The following IFT57 variants were observed in gnomAD, a reference collection of about 807,000 sequenced individuals.
IFT57 encodes the protein intraflagellar transport 57.
IFT57 carries 59 observed loss-of-function variants against 56.8 expected under a neutral mutation model. That is an observed-to-expected ratio of 1.04 (90% CI 0.84 to 1.29). IFT57 has a LOEUF of 1.29. Among genes scored for constraint, IFT57 ranks in the 50% most tolerant of loss-of-function variants. The pLI is 0.00. For missense variants in IFT57, 470 were observed against 522.1 expected (o/e 0.90, Z 0.97); for synonymous variants, 209 against 186.1 (o/e 1.12, Z -1.00).
chr3:108,186,556 C>T (rs924339157), intron 6 of IFT57, among the ~76,000 whole-genome samples: 2 of 152,134 alleles, frequency 1.3e-5, no homozygotes, highest in African/African-American at 4.8e-5. Context: ...CTACTTTGGA[C>T]TTGTTTTATA....
At chr3:108,220,316 T>C (rs1463355370) in intron 1 of IFT57, among the ~76,000 whole-genome samples, 1 of 152,250 alleles carries the variant, frequency 6.6e-6, no homozygotes, top group Non-Finnish European at 1.5e-5. Flanking sequence ...TAAAACTCAC[T>C]AGCAACAACA....
intron 4 of IFT57, among the ~76,000 whole-genome samples, chr3:108,206,914 T>C (rs929499580): frequency 6.6e-6 from 1 of 151,768 alleles, no homozygotes; most frequent in Admixed American, 6.6e-5. Flanking sequence ...ACTACTTAAA[T>C]AGAACCATTT....
At chr3:108,204,893 C>G (rs62267881) in intron 5 of IFT57, among the ~76,000 whole-genome samples, 13,912 of 152,176 alleles carry the variant, frequency 0.091, 698 homozygotes, top group Middle Eastern at 0.12. Context: ...GAGATAACAT[C>G]TACCCAAATA....
chr3:108,169,167 C>CT (rs1293195357), intron 6 of IFT57, among the ~76,000 whole-genome samples: 2 of 151,908 alleles, frequency 1.3e-5, no homozygotes, highest in African/African-American at 4.8e-5. Flanking sequence ...TGTTTCCAGA[C>CT]TTTTTTGATC....
rs116465502 is a variant in IFT57 at position 108,194,286 on chromosome 3, C to T, written c.655-2643G>A. 6.4e-3 allele frequency among the ~76,000 whole-genome samples: 967 copies of T among 151,938 alleles called. 13 individuals are homozygous for T. The highest frequency in any genetic ancestry group is 0.022 in the African/African-American group (923 of 41,442). On this transcript the variant is annotated intron_variant, in intron 5 of 10. Coordinates refer to ENST00000264538, the MANE Select transcript of IFT57 (RefSeq NM_018010.4). ...TAAAATACCTAGGAATAAACTTAAT[C>T]AAAGGAGTGAAAAAATCTTTAGAAT... is the stretch of plus-strand genomic sequence containing the variant.
chr3:108,222,167 CT>C lies in IFT57; in HGVS notation c.155del (p.Lys52SerfsTer15). ...VVMEDLVEKL[K>X]LLRYEEEFLR... ...GGAACTCCTCCTCGTAGCGGAGCAGCTTCAGCTTCTCCACCAAGTCCTCCAT... is the reference window on the plus strand; with the variant it reads ...GGAACTCCTCCTCGTAGCGGAGCAGCTCAGCTTCTCCACCAAGTCCTCCAT... On this transcript the variant is annotated frameshift_variant, in exon 1 of 11. Coordinates refer to ENST00000264538, the MANE Select transcript of IFT57 (RefSeq NM_018010.4). LOFTEE classifies it high-confidence loss of function. 1 of 1,613,960 alleles carries C rather than the reference CT, an allele frequency of 6.2e-7. No individual in the cohort carries two copies. Among genetic ancestry groups the C allele is most frequent in the Non-Finnish European group, 8.5e-7 (1 of 1,179,930 alleles).
intron 4 of IFT57, among the ~76,000 whole-genome samples, chr3:108,212,552 T>C (rs2080348109): frequency 6.6e-6 from 1 of 152,154 alleles, no homozygotes; most frequent in Non-Finnish European, 1.5e-5. Context: ...ACTTCTTGTA[T>C]GGTCTGCAAA....
chr3:108,203,785 T>C (rs988006930), intron 5 of IFT57, among the ~76,000 whole-genome samples: 3 of 152,164 alleles, frequency 2.0e-5, no homozygotes, highest in African/African-American at 7.2e-5. Flanking sequence ...TATAATGCAA[T>C]ACCAGGGTCT....
chr3:108,174,923 G>C (rs1310475922), intron 6 of IFT57, among the ~76,000 whole-genome samples: 1 of 151,716 alleles, frequency 6.6e-6, no homozygotes, highest in Non-Finnish European at 1.5e-5. Context: ...TGTGATTTGG[G>C]GGTTGTTTGT....
chr3:108,206,688 C>A lies in IFT57; in HGVS notation c.594G>T (p.Glu198Asp). 1 of 1,250,244 alleles carries A rather than the reference C, an allele frequency of 8.0e-7. No homozygotes were observed. The highest frequency in any genetic ancestry group is 1.1e-6 in the Non-Finnish European group (1 of 937,912). 77.4% of individuals were successfully genotyped at this position (1,250,244 alleles called of 1,614,324 possible). A position where few individuals can be genotyped will look rare whatever the true frequency, so the allele number is the denominator to read the frequency against. ...CAATAAAGTTTTCTTCATTATCTGT[C>A]TCTTCTTCCTTAGAAAATAAATTTT... Reference protein sequence around the residue: ...NKVDEEFVEEETDNEENFIDL... With the variant: ...NKVDEEFVEEDTDNEENFIDL... The change falls in exon 5 of 11, where the codon GAG (glutamate) becomes GAT (aspartate). Residue 198 changes from glutamate (E) to aspartate (D), a missense_variant. Transcript: ENST00000264538.
chr3:108,206,586 A>G (rs1386465765), intron 5 of IFT57, 42 bp downstream of exon 5: 1 of 871,522 alleles, frequency 1.1e-6, no homozygotes, highest in East Asian at 2.9e-5. Flanking sequence ...GAACATGTAC[A>G]TTGATTGCTT....
intron 6 of IFT57, among the ~76,000 whole-genome samples, chr3:108,188,124 T>C (rs1467720840): frequency 6.6e-6 from 1 of 152,008 alleles, no homozygotes; most frequent in Non-Finnish European, 1.5e-5. Context: ...TGTGTGATGT[T>C]CCCCTTCCTG....
chr3:108,180,220 G>A (rs2108313560), intron 6 of IFT57, among the ~76,000 whole-genome samples: 1 of 152,034 alleles, frequency 6.6e-6, no homozygotes, highest in Non-Finnish European at 1.5e-5. Flanking sequence ...TGTTACTAAA[G>A]AGTTTTCATA....
At chr3:108,210,156 G>C (rs1286771237) in intron 4 of IFT57, among the ~76,000 whole-genome samples, 1 of 151,864 alleles carries the variant, frequency 6.6e-6, no homozygotes, top group East Asian at 1.9e-4. Context: ...TCTTAATTCT[G>C]ACTGCCAATT....
chr3:108,206,559 CA>C (rs908872012), intron 5 of IFT57, 68 bp downstream of exon 5: 1 of 649,372 alleles, frequency 1.5e-6, no homozygotes, highest in African/African-American at 1.9e-5. Flanking sequence ...GGTTTCTACT[CA>C]TTTAAATTTC....
intron 5 of IFT57, among the ~76,000 whole-genome samples, chr3:108,197,454 C>T (rs2080250008): frequency 6.6e-6 from 1 of 152,094 alleles, no homozygotes; most frequent in African/African-American, 2.4e-5. Flanking sequence ...CATAAAGTAA[C>T]CTTGGGCTCA....
intron 6 of IFT57, among the ~76,000 whole-genome samples, chr3:108,170,485 CAAGG>C (rs1422961958): frequency 6.6e-6 from 1 of 151,806 alleles, no homozygotes; most frequent in Non-Finnish European, 1.5e-5. Flanking sequence ...AACCACTGCT[CAAGG>C]AAGTAAGAAA....
intron 6 of IFT57, among the ~76,000 whole-genome samples, chr3:108,174,893 A>T (rs62262369): frequency 0.092 from 13,935 of 151,846 alleles, 708 homozygotes; most frequent in Middle Eastern, 0.12. Context: ...TGTGAAAATA[A>T]ATATGTTATT....
At chr3:108,186,864 A>G (rs1031205586) in intron 6 of IFT57, among the ~76,000 whole-genome samples, 2 of 152,136 alleles carry the variant, frequency 1.3e-5, no homozygotes, top group African/African-American at 4.8e-5. Context: ...CACTTAATGA[A>G]TAGTAAATAT....
Sources: gnomAD v4.1 joint callset for allele counts (sites outside exome capture counted in the v4.1 genomes callset) on GRCh38, gnomAD v4.1.1 for gene constraint, MANE v1.5 for transcripts, NCBI Gene and HGNC (gene_info 2026-07-23, HGNC 2026-07-21) for gene names.